The following GALNT12 variants were observed in gnomAD, a reference collection of about 807,000 sequenced individuals.
GALNT12 encodes the protein polypeptide N-acetylgalactosaminyltransferase 12.
In GALNT12, 45 loss-of-function variants were observed where a neutral mutation model predicts 55.5. The observed-to-expected ratio is 0.81, with a 90% CI of 0.64 to 1.04. The LOEUF (loss-of-function observed/expected upper bound fraction) is 1.04, where lower values mean the gene tolerates loss of function less well. GALNT12 is among the 50% of genes least tolerant of loss of function. The pLI is 0.00. For synonymous variants in GALNT12, 304 were observed against 312.2 expected (o/e 0.97, Z 0.28); for missense variants, 709 against 754.8 (o/e 0.94, Z 0.71).
chr9:98,831,487 A>G (rs1835990392), intron 3 of GALNT12, among the ~76,000 whole-genome samples: 1 of 152,184 alleles, frequency 6.6e-6, no homozygotes, highest in Admixed American at 6.5e-5. Flanking sequence ...AGAAATTGAA[A>G]TCATAGAGCG....
At chr9:98,815,431 AT>A (rs1166982887) in intron 1 of GALNT12, among the ~76,000 whole-genome samples, 1 of 152,184 alleles carries the variant, frequency 6.6e-6, no homozygotes, top group African/African-American at 2.4e-5. Flanking sequence ...TATTAAATGC[AT>A]TTTCTACTTA....
chr9:98,849,118 G>A lies in GALNT12; in HGVS notation c.*26G>A, dbSNP rs765786374. On this transcript the variant is annotated 3_prime_UTR_variant, in exon 10 of 10. Transcript: ENST00000375011. ...AGCCTCGTGTATCAAGGAGCCCATC[G>A]AAGGAGACTGTGGAGCCAGGACTCT... 30 of 1,613,554 alleles carry A rather than the reference G, an allele frequency of 1.9e-5. No homozygotes were observed. The highest frequency in any genetic ancestry group is 6.7e-5 in the Admixed American group (4 of 60,004).
At chr9:98,813,965 G>A (rs900153901) in intron 1 of GALNT12, among the ~76,000 whole-genome samples, 30 of 152,110 alleles carry the variant, frequency 2.0e-4, no homozygotes, top group Admixed American at 1.8e-3. Flanking sequence ...TTGGTTAAAA[G>A]TAACTGAAAG....
intron 3 of GALNT12, among the ~76,000 whole-genome samples, chr9:98,830,194 A>G (rs1451947233): frequency 6.6e-6 from 1 of 152,132 alleles, no homozygotes; most frequent in African/African-American, 2.4e-5. Flanking sequence ...TGCATGTTTC[A>G]AAAGCTCCCC....
chr9:98,839,327 A>C (rs1465373426), intron 6 of GALNT12, among the ~76,000 whole-genome samples: 2 of 152,230 alleles, frequency 1.3e-5, no homozygotes, highest in African/African-American at 4.8e-5. Flanking sequence ...TTAACTTGTC[A>C]GCTTTTAATT....
Position 98,823,392 on chromosome 9 carries a change from G to A in GALNT12, c.508G>A (p.Glu170Lys), listed in dbSNP as rs1363390968. 1 of 1,614,108 alleles carries A rather than the reference G, an allele frequency of 6.2e-7. No individual in the cohort carries two copies. The highest frequency in any genetic ancestry group is 8.5e-7 in the Non-Finnish European group (1 of 1,180,024). ...LETSPDILLE[E>K]VILVDDYSDR... The stretch of plus-strand genomic sequence containing the variant: ...GACATCCCCGGATATCCTGCTAGAA[G>A]AAGTGATCCTTGTAGATGACTACAG... The change falls in exon 2 of 10, where the codon GAA becomes AAA. Residue 170 changes from glutamate to lysine, a missense_variant. Around this residue, in one of 5 missense-constraint regions of GALNT12, gnomAD observed 315 missense variants for 288.6 expected, o/e 1.09. Coordinates refer to ENST00000375011, the MANE Select transcript of GALNT12 (RefSeq NM_024642.5).
rs142158222 is a variant in GALNT12, at chr9:98,811,962, C to T, written c.371+3893C>T. Among the ~76,000 whole-genome samples, 1,125 of 152,246 alleles carry T rather than the reference C, an allele frequency of 7.4e-3. 4 individuals are homozygous for T. The highest frequency in any genetic ancestry group is 0.013 in the Non-Finnish European group (852 of 68,016). Reference sequence around the variant, plus strand: ...CCTCCCAAAGTGCTGGGATTATAGGCGTGAGCCACCATGCCCAGCCTCAAA... The same window carrying T: ...CCTCCCAAAGTGCTGGGATTATAGGTGTGAGCCACCATGCCCAGCCTCAAA... On this transcript the variant is annotated intron_variant, in intron 1 of 9. Transcript: ENST00000375011.
chr9:98,849,078 G>A lies in GALNT12; in HGVS notation c.1732G>A (p.Glu578Lys). 6.2e-7 allele frequency: 1 copy of A among 1,614,180 alleles called. No individual in the cohort carries two copies. The highest frequency in any genetic ancestry group is 8.5e-7 in the Non-Finnish European group (1 of 1,180,026). The change falls in exon 10 of 10, where the codon GAG becomes AAG. Residue 578 changes from glutamate (E) to lysine (K), a missense_variant. Glu to Lys is a moderately conservative substitution (Grantham distance 56, BLOSUM62 1). Around this residue, in one of 5 missense-constraint regions of GALNT12, gnomAD observed 262 missense variants for 310.7 expected, o/e 0.84. Transcript: ENST00000375011. ...GGATCATCAGAAATGGTTCTTCAAA[G>A]AGCGCATGTTATGAAGCCTCGTGTA... ...NSDHQKWFFK[E>K]RML
intron 8 of GALNT12, among the ~76,000 whole-genome samples, chr9:98,844,982 G>C (rs1836379336): frequency 6.6e-6 from 1 of 152,158 alleles, no homozygotes; most frequent in Admixed American, 6.5e-5. Context: ...TAGAGATTCA[G>C]ATGTTGTTTT....
At chr9:98,831,186 A>G (rs188553859) in intron 3 of GALNT12, among the ~76,000 whole-genome samples, 2 of 152,366 alleles carry the variant, frequency 1.3e-5, no homozygotes, top group Admixed American at 1.3e-4. Flanking sequence ...CATTAAAATA[A>G]AAAAATAGCA....
intron 3 of GALNT12, 31 bp from the exon 4 acceptor site, chr9:98,831,741 A>C: frequency 6.2e-7 from 1 of 1,613,116 alleles, no homozygotes; most frequent in East Asian, 2.2e-5. Flanking sequence ...TCTGCATAGG[A>C]GAGACGGATG....
intron 9 of GALNT12, among the ~76,000 whole-genome samples, chr9:98,847,979 A>T (rs536824760): frequency 1.3e-5 from 2 of 151,830 alleles, no homozygotes; most frequent in Admixed American, 1.3e-4. Flanking sequence ...CGCCCAGCTA[A>T]TTTTTTGTAT....
chr9:98,815,447 G>A (rs1163393847), intron 1 of GALNT12, among the ~76,000 whole-genome samples: 1 of 152,152 alleles, frequency 6.6e-6, no homozygotes, highest in Non-Finnish European at 1.5e-5. Context: ...TACTTAGAAT[G>A]TTTTCAACTT....
chr9:98,823,205 G>A, intron 1 of GALNT12, 51 bp from the exon 2 acceptor site: 6 of 1,568,560 alleles, frequency 3.8e-6, no homozygotes, highest in Non-Finnish European at 5.3e-6. Context: ...TCCATCCCCA[G>A]TGCCAGCCTG....
chr9:98,827,323 C>G (rs774421915), intron 3 of GALNT12, among the ~76,000 whole-genome samples: 10 of 152,096 alleles, frequency 6.6e-5, no homozygotes, highest in African/African-American at 9.7e-5. Flanking sequence ...TCCTCAGCCT[C>G]CGGAGTAGCT....
intron 1 of GALNT12, among the ~76,000 whole-genome samples, chr9:98,819,257 C>A (rs1382482645): frequency 6.6e-6 from 1 of 152,228 alleles, no homozygotes; most frequent in Non-Finnish European, 1.5e-5. Flanking sequence ...GCCGCATTCT[C>A]CTCCCCTTGA....
rs1306475759 is a variant in GALNT12, at chr9:98,849,882, G to T, written c.*790G>T. The T allele has an allele frequency of 3.5e-6, 1 of 284,566 alleles. No homozygotes were observed. 17.6% of individuals were successfully genotyped at this position (284,566 alleles called of 1,614,324 possible). ...CGGTAGTGTCAGGGAGAAATGTAAT[G>T]TTCTATATGAAATTCCTTTTTCAAG... On this transcript the variant is annotated 3_prime_UTR_variant, in exon 10 of 10. Coordinates refer to ENST00000375011, the MANE Select transcript of GALNT12 (RefSeq NM_024642.5).
chr9:98,848,885 T>C, intron 9 of GALNT12, 67 bp from the exon 10 acceptor site: 2 of 1,593,134 alleles, frequency 1.3e-6, no homozygotes, highest in Non-Finnish European at 1.7e-6. Context: ...CTGATCTCTT[T>C]AAAACATGTC....
chr9:98,840,262 A>ACC (rs145380479), intron 7 of GALNT12, 129 bp downstream of exon 7: 1 of 896,214 alleles, frequency 1.1e-6, no homozygotes, highest in Admixed American at 2.4e-5. Context: ...CCGCCTGCCC[A>ACC]CCCCCCACCA....
Sources: allele counts gnomAD v4.1 joint callset (sites outside exome capture counted in the v4.1 genomes callset), GRCh38; gene constraint gnomAD v4.1.1; regional missense constraint gnomAD v4.1.1; transcripts MANE v1.5; gene names NCBI Gene and HGNC (gene_info 2026-07-23, HGNC 2026-07-21).